Variants in COL23A1 observed in about 807,000 individuals in gnomAD.
COL23A1 encodes the protein collagen type XXIII alpha 1 chain, also known as collagen alpha-1(XXIII) chain.
A neutral mutation model predicts 99.3 loss-of-function variants in COL23A1; 97 were observed. The ratio of observed to expected loss-of-function variants is 0.98; its 90% CI spans 0.83 to 1.16. The LOEUF (loss-of-function observed/expected upper bound fraction) is 1.16, where lower values mean the gene tolerates loss of function less well. Ranked by LOEUF, COL23A1 falls within the 50% of genes most tolerant of loss-of-function variation. The pLI is 0.00. For synonymous variants in COL23A1, 320 were observed against 308.2 expected, an observed-to-expected ratio of 1.04 and a Z score of -0.40; for missense variants, 762 against 757.4, an observed-to-expected ratio of 1.01 and a Z score of -0.07.
chr5:178,394,547 A>C (rs1374349571), intron 2 of COL23A1, among the ~76,000 whole-genome samples: 8 of 152,210 alleles, frequency 5.3e-5, no homozygotes, highest in Non-Finnish European at 1.2e-4. Flanking sequence ...CGGCCTCAAC[A>C]TGGTGTTCAC....
intron 12 of COL23A1, among the ~76,000 whole-genome samples, 166 bp from the exon 13 acceptor site, chr5:178,257,733 G>A (rs1765386482): frequency 6.6e-6 from 1 of 152,242 alleles, no homozygotes; most frequent in Admixed American, 6.5e-5. Context: ...GCAGGTGTGG[G>A]GTCAGACCCA....
intron 2 of COL23A1, among the ~76,000 whole-genome samples, chr5:178,393,386 A>G (rs749413751): frequency 6.6e-6 from 1 of 152,136 alleles, no homozygotes; most frequent in Non-Finnish European, 1.5e-5. Flanking sequence ...GGGAGGAGGA[A>G]TGGGGAGTTA....
At chr5:178,336,536 G>A (rs1474310522) in intron 2 of COL23A1, among the ~76,000 whole-genome samples, 7 of 152,216 alleles carry the variant, frequency 4.6e-5, no homozygotes, top group African/African-American at 7.2e-5. Context: ...TACAGAATAC[G>A]TCAACCAGAG....
intron 2 of COL23A1, among the ~76,000 whole-genome samples, chr5:178,442,104 C>A (rs1327613178): frequency 6.6e-6 from 1 of 151,992 alleles, no homozygotes; most frequent in Non-Finnish European, 1.5e-5. Context: ...GCAGCCTGGT[C>A]AGACCCCGAG....
chr5:178,401,697 A>G (rs1764455727), intron 2 of COL23A1, among the ~76,000 whole-genome samples: 1 of 152,240 alleles, frequency 6.6e-6, no homozygotes, highest in Non-Finnish European at 1.5e-5. Flanking sequence ...GTTTAACTTG[A>G]TAAGATACAC....
chr5:178,411,256 A>C (rs563908681), intron 2 of COL23A1, among the ~76,000 whole-genome samples: 1 of 152,238 alleles, frequency 6.6e-6, no homozygotes, highest in Non-Finnish European at 1.5e-5. Flanking sequence ...TCAAAATCTT[A>C]AACAGATAAT....
Position 178,255,100 on chromosome 5 carries a change from G to T in COL23A1, c.883-74C>A. 8.2e-7 allele frequency: 1 copy of T among 1,223,860 alleles called. No homozygotes were observed. The highest frequency in any genetic ancestry group is 1.2e-6 in the Non-Finnish European group (1 of 829,286). 75.8% of individuals were successfully genotyped at this position (1,223,860 alleles called of 1,614,324 possible). A position where few individuals can be genotyped will look rare whatever the true frequency, so the allele number is the denominator to read the frequency against. On this transcript the variant is annotated intron_variant, in intron 15 of 28. Transcript: ENST00000390654. The surrounding 1 kb of genome is among the most constrained non-coding windows in gnomAD (Gnocchi z 4.2). ...TGGAGGTGAAGTGGCAGCTGTCCCT[G>T]CATCACATCCAGAGAGAAAGCAATG...
intron 2 of COL23A1, among the ~76,000 whole-genome samples, chr5:178,399,459 G>A (rs1027643304): frequency 1.3e-5 from 2 of 152,174 alleles, no homozygotes; most frequent in African/African-American, 2.4e-5. Context: ...CCTTTTTGTT[G>A]AAGCCAGTCT....
At chr5:178,532,166 G>C (rs1760685466) in intron 2 of COL23A1, among the ~76,000 whole-genome samples, 1 of 152,222 alleles carries the variant, frequency 6.6e-6, no homozygotes, top group Non-Finnish European at 1.5e-5. Context: ...TCGAAAAGCT[G>C]AGCCTCCAAC....
chr5:178,513,868 AATT>A (rs551707547), intron 2 of COL23A1, among the ~76,000 whole-genome samples: 717 of 48,404 alleles, frequency 0.015, 1 homozygote, highest in African/African-American at 0.044. Flanking sequence ...TTTTTTAAAA[AATT>A]ATTTTTTTTA....
At chr5:178,539,368 G>GAA (rs1290046748) in intron 2 of COL23A1, among the ~76,000 whole-genome samples, 1 of 151,950 alleles carries the variant, frequency 6.6e-6, no homozygotes, top group Non-Finnish European at 1.5e-5. Context: ...CCAACCTGGT[G>GAA]AAATCCTGTC....
chr5:178,507,361 G>A lies in COL23A1; in HGVS notation c.361+53321C>T, dbSNP rs540164192. ...TTTAGCTTTACAAAGAGTGCTGCAAGGTACAGTCCTGTTCACGTGTAAGTT... is the reference window on the plus strand; with the variant it reads ...TTTAGCTTTACAAAGAGTGCTGCAAAGTACAGTCCTGTTCACGTGTAAGTT... On this transcript the variant is annotated intron_variant, in intron 2 of 28. Transcript: ENST00000390654. 2.6e-5 allele frequency among the ~76,000 whole-genome samples: 4 copies of A among 152,262 alleles called. No homozygotes were observed. In the South Asian group the frequency reaches 8.3e-4, roughly 32 times the overall value.
In COL23A1 at chr5:178,246,393, G is replaced by A; in HGVS notation, c.1357C>T (p.Pro453Ser). 6.3e-7 allele frequency: 1 copy of A among 1,578,422 alleles called. No individual in the cohort carries two copies. The highest frequency in any genetic ancestry group is 8.6e-7 in the Non-Finnish European group (1 of 1,161,448). ...ASGERGPSGL[P>S]GPVGPPGLIG... is the part of the protein sequence containing the mutation. ...CAAACAACGCTTGTGAGACTCACAGGCAGGCCGCTGGGGCCTCTCTCACCC... is the reference window on the plus strand; with the variant it reads ...CAAACAACGCTTGTGAGACTCACAGACAGGCCGCTGGGGCCTCTCTCACCC... The change falls in exon 23 of 29, where the codon CCT becomes TCT. Residue 453 changes from proline to serine, a missense_variant and splice_region_variant. Transcript: ENST00000390654.
chr5:178,517,579 T>TTTTTTTTTTTG (rs1759605654), intron 2 of COL23A1, among the ~76,000 whole-genome samples: 1 of 145,696 alleles, frequency 6.9e-6, no homozygotes, highest in Non-Finnish European at 1.5e-5. Context: ...TTTTTTTTTT[T>TTTTTTTTTTTG]GAGATGGAGT....
At chr5:178,585,695 T>C (rs78729068) in intron 1 of COL23A1, among the ~76,000 whole-genome samples, 513 of 12,766 alleles carry the variant, frequency 0.04, 1 homozygote, top group Middle Eastern at 0.21. Context: ...GCTGGGGTAA[T>C]GCCCTACAGC....
At chr5:178,369,933 G>A (rs1200718916) in intron 2 of COL23A1, among the ~76,000 whole-genome samples, 1 of 152,322 alleles carries the variant, frequency 6.6e-6, no homozygotes, top group Non-Finnish European at 1.5e-5. Context: ...TAAGAGGCAA[G>A]ACCTTAGGTT....
chr5:178,383,880 GAAAA>G (rs34212112), intron 2 of COL23A1, among the ~76,000 whole-genome samples: 1 of 98,714 alleles, frequency 1.0e-5, no homozygotes, highest in Non-Finnish European at 2.3e-5. Flanking sequence ...GACAGAAATA[GAAAA>G]AAAAAAAAAA....
intron 2 of COL23A1, among the ~76,000 whole-genome samples, chr5:178,435,003 T>TC (rs1766477921): frequency 6.6e-6 from 1 of 152,160 alleles, no homozygotes; most frequent in Non-Finnish European, 1.5e-5. Context: ...CCAGCACCGC[T>TC]CGCTCGATTT....
At chr5:178,574,744 T>C (rs569955106) in intron 1 of COL23A1, among the ~76,000 whole-genome samples, 24 of 151,742 alleles carry the variant, frequency 1.6e-4, no homozygotes, top group Admixed American at 3.9e-4. Flanking sequence ...ACAATCTATG[T>C]TGTCTTTCCC....
Sources: allele counts gnomAD v4.1 joint callset (sites outside exome capture counted in the v4.1 genomes callset), GRCh38; gene constraint gnomAD v4.1.1; non-coding constraint Gnocchi (gnomAD v3.1); transcripts MANE v1.5; gene names NCBI Gene and HGNC (gene_info 2026-07-23, HGNC 2026-07-21).